ERC1: variants seen among roughly 807,000 people sequenced by gnomAD.
ERC1 encodes the protein RAB6 interacting protein 2.
Under a neutral mutation model 132.0 loss-of-function variants are expected in ERC1, and 56 were observed. The ratio of observed to expected loss-of-function variants is 0.42; its 90% confidence interval spans 0.34 to 0.53. The LOEUF is 0.53. Among genes scored for constraint, ERC1 ranks in the 20% least tolerant of loss-of-function variants. The pLI is 0.03. For missense variants in ERC1, 1,202 were observed against 1,349.9 expected (o/e 0.89, Z 1.72); for synonymous variants, 478 against 476.1 (o/e 1.00, Z -0.05).
intron 16 of ERC1, among the ~76,000 whole-genome samples, chr12:1,404,801 C>A (rs1275884013): frequency 6.6e-6 from 1 of 152,114 alleles, no homozygotes; most frequent in Non-Finnish European, 1.5e-5. Context: ...TCCAAAAGGC[C>A]CATTTCATAA....
intron 18 of ERC1, chr12:1,445,172 A>G (rs1328682194): frequency 6.9e-6 from 1 of 145,870 alleles, no homozygotes; most frequent in Non-Finnish European, 1.5e-5. Flanking sequence ...TTTAAAATCT[A>G]CTCTCAGCAA....
intron 13 of ERC1, among the ~76,000 whole-genome samples, chr12:1,239,836 C>T (rs552561777): frequency 9.9e-5 from 15 of 152,254 alleles, no homozygotes; most frequent in Admixed American, 3.3e-4. Context: ...AACTTGTGTG[C>T]GTTGGAGTTA....
rs191030655 is a variant in ERC1, at chr12:1,469,951, G to A, written c.3214-20142G>A. On this transcript the variant is annotated intron_variant, in intron 18 of 18. Coordinates refer to ENST00000360905, the MANE Select transcript of ERC1 (RefSeq NM_178040.4). Reference sequence around the variant, plus strand: ...GCCATGAACTGGGCAGGTATGCCCCGGGGTCACTCAGAGCAGCCCACGGGA... The same window carrying A: ...GCCATGAACTGGGCAGGTATGCCCCAGGGTCACTCAGAGCAGCCCACGGGA... Among the ~76,000 whole-genome samples the A allele has an allele frequency of 2.9e-3, 373 of 128,542 alleles. 3 individuals carry two copies. The highest frequency in any genetic ancestry group is 4.7e-3 in the Admixed American group (48 of 10,292). 84.3% of individuals were successfully genotyped at this position (128,542 alleles called of 152,430 possible). A position where few individuals can be genotyped will look rare whatever the true frequency, so the allele number is the denominator to read the frequency against.
chr12:1,410,973 T>A (rs1313221953), intron 17 of ERC1, among the ~76,000 whole-genome samples: 2 of 152,070 alleles, frequency 1.3e-5, no homozygotes, highest in African/African-American at 2.4e-5. Context: ...AAGAATGAGC[T>A]CTCACAGTCA....
chr12:1,045,309 A>G (rs761311539), intron 2 of ERC1, among the ~76,000 whole-genome samples: 4 of 152,104 alleles, frequency 2.6e-5, no homozygotes, highest in Non-Finnish European at 4.4e-5. Context: ...GTTTTTATGT[A>G]TCATTTGCTG....
intron 12 of ERC1, among the ~76,000 whole-genome samples, chr12:1,213,713 A>G (rs1958094593): frequency 7.1e-6 from 1 of 141,284 alleles, no homozygotes; most frequent in Non-Finnish European, 1.5e-5. Flanking sequence ...ACTCCACCCT[A>G]GGCGACATAG....
intron 8 of ERC1, among the ~76,000 whole-genome samples, chr12:1,177,803 C>G (rs1230389274): frequency 6.6e-6 from 1 of 152,180 alleles, no homozygotes; most frequent in Non-Finnish European, 1.5e-5. Context: ...TCCCACAAAC[C>G]TTCAGTTAGT....
intron 18 of ERC1, among the ~76,000 whole-genome samples, chr12:1,466,248 G>A (rs1324251765): frequency 6.6e-6 from 1 of 152,148 alleles, no homozygotes; most frequent in Admixed American, 6.6e-5. Flanking sequence ...CTGCCTGCTC[G>A]CTGTGTCCTC....
rs60222703 is a variant in ERC1, at chr12:1,405,146, TATAAATAA to T, written c.2926-2975_2926-2968del. Among the ~76,000 whole-genome samples, 1,053 of 142,190 alleles carry T rather than the reference TATAAATAA, an allele frequency of 7.4e-3. 11 individuals are homozygous for T. Among genetic ancestry groups the T allele is most frequent in the African/African-American group, 0.023 (886 of 37,776 alleles). The allele number at this position is 142,190 out of a possible 152,430, so 93.3% of individuals were successfully genotyped here. A position where few individuals can be genotyped will look rare whatever the true frequency, so the allele number is the denominator to read the frequency against. The stretch of plus-strand genomic sequence containing the variant: ...GAGAACGAGACTCCGGCTCAAAAAA[TATAAATAA>T]ATAAATAAATAAATAAATAAATAAA... On this transcript the variant is annotated intron_variant, in intron 16 of 18. Transcript: ENST00000360905.
Position 1,278,077 on chromosome 12 carries a change from C to T in ERC1, c.2620-11775C>T, listed in dbSNP as rs144645602. The stretch of plus-strand genomic sequence containing the variant: ...CCCTGAAGTGAGACTGCTGGAAATA[C>T]GTCATGTCTGCCTTCATGGTGACAG... On this transcript the variant is annotated intron_variant, in intron 14 of 18. Coordinates refer to ENST00000360905, the MANE Select transcript of ERC1 (RefSeq NM_178040.4). 4.1e-3 allele frequency among the ~76,000 whole-genome samples: 622 copies of T among 152,288 alleles called. 9 individuals carry two copies. Among genetic ancestry groups the T allele is most frequent in the African/African-American group, 0.013 (560 of 41,556 alleles).
chr12:1,435,352 A>G (rs1284903467), intron 17 of ERC1, among the ~76,000 whole-genome samples: 5 of 152,118 alleles, frequency 3.3e-5, no homozygotes, highest in African/African-American at 1.2e-4. Context: ...AAGGAAGAGA[A>G]TAATAGGACA....
At chr12:1,178,824 C>T (rs989706098) in intron 8 of ERC1, among the ~76,000 whole-genome samples, 2 of 152,158 alleles carry the variant, frequency 1.3e-5, no homozygotes, top group African/African-American at 4.8e-5. Context: ...TTCCCTCCCT[C>T]CATCATTCAT....
intron 4 of ERC1, among the ~76,000 whole-genome samples, 171 bp downstream of exon 4, chr12:1,104,995 C>G (rs1303099641): frequency 2.0e-5 from 3 of 152,082 alleles, no homozygotes; most frequent in Admixed American, 6.5e-5. Flanking sequence ...GTTTTATTTC[C>G]TTTTACTTGT....
intron 4 of ERC1, among the ~76,000 whole-genome samples, chr12:1,106,390 C>T (rs539629309): frequency 3.9e-5 from 6 of 152,272 alleles, no homozygotes; most frequent in African/African-American, 4.8e-5. Flanking sequence ...CTGTGTTTTG[C>T]ATTGTGGGCC....
intron 16 of ERC1, among the ~76,000 whole-genome samples, chr12:1,395,579 G>T (rs1178917846): frequency 6.6e-6 from 1 of 152,092 alleles, no homozygotes; most frequent in Non-Finnish European, 1.5e-5. Flanking sequence ...CCATTAAGAT[G>T]AACATACTCA....
chr12:1,439,696 C>G lies in ERC1; in HGVS notation c.3025-4866C>G, dbSNP rs149676298. ...TAGCTGTACAACCAATTTGGCCTGA[C>G]CACATATCTGATGATTTTTAGTAGG... On this transcript the variant is annotated intron_variant, in intron 17 of 18. Transcript: ENST00000360905. Among the ~76,000 whole-genome samples, 10 of 152,282 alleles carry G rather than the reference C, an allele frequency of 6.6e-5. No homozygotes were observed. The East Asian group carries it at 1.9e-3, about 29-fold the overall frequency.
At chr12:1,359,041 T>C (rs2085815556) in intron 15 of ERC1, among the ~76,000 whole-genome samples, 1 of 152,234 alleles carries the variant, frequency 6.6e-6, no homozygotes, top group Non-Finnish European at 1.5e-5. Flanking sequence ...GATAGGTCTT[T>C]GCTCTGCTGC....
intron 1 of ERC1, among the ~76,000 whole-genome samples, chr12:1,009,177 ATT>A (rs766670323): frequency 4.2e-5 from 6 of 144,136 alleles, no homozygotes; most frequent in Admixed American, 7.0e-5. Context: ...GGTGGTAAAG[ATT>A]TTTTTTTTTT....
chr12:1,442,011 TC>T (rs2093168754), intron 17 of ERC1, among the ~76,000 whole-genome samples: 1 of 152,294 alleles, frequency 6.6e-6, no homozygotes, highest in African/African-American at 2.4e-5. Flanking sequence ...CACTGCAGCC[TC>T]CGCTTCCCGG....
Sources: allele counts gnomAD v4.1 joint callset (sites outside exome capture counted in the v4.1 genomes callset), GRCh38; gene constraint gnomAD v4.1.1; transcripts MANE v1.5; gene names NCBI Gene and HGNC (gene_info 2026-07-23, HGNC 2026-07-21).